Variants in SLC17A8 observed in about 807,000 individuals in gnomAD.
SLC17A8 encodes the protein solute carrier family 17 member 8, also known as vesicular glutamate transporter 3.
A neutral mutation model predicts 58.0 loss-of-function variants in SLC17A8; 31 were observed. The ratio of observed to expected loss-of-function variants is 0.53; its 90% CI spans 0.40 to 0.72. The LOEUF is 0.72. Among genes scored for constraint, SLC17A8 ranks in the 30% least tolerant of loss-of-function variants. The probability of loss-of-function intolerance (pLI) is 0.00; values close to 1 mark genes in which losing one functional copy is unlikely to be tolerated. For synonymous variants in SLC17A8, 228 were observed against 249.0 expected, an observed-to-expected ratio of 0.92 and a Z score of 0.79; for missense variants, 655 against 727.8, an observed-to-expected ratio of 0.90 and a Z score of 1.15.
At chr12:100,379,421 C>G (rs774761105) in intron 1 of SLC17A8, among the ~76,000 whole-genome samples, 1 of 117,380 alleles carries the variant, frequency 8.5e-6, no homozygotes, top group Non-Finnish European at 1.6e-5. Context: ...GGCAACAGAC[C>G]GAGATTCCGT....
Position 100,357,437 on chromosome 12 carries a change from C to T in SLC17A8, c.46C>T (p.Pro16Ser), listed in dbSNP as rs1952454517. Reference sequence around the variant, plus strand: ...TACCTTCAAAGAAAAAATTCTGAAACCTGGGAAGGAAGGAGTGAAGAACGC... The same window carrying T: ...TACCTTCAAAGAAAAAATTCTGAAATCTGGGAAGGAAGGAGTGAAGAACGC... The part of the protein sequence containing the change: ...FDTFKEKILK[P>S]GKEGVKNAVG... Residue 16 changes from proline to serine, a missense_variant, in exon 1 of 12, where the codon CCT becomes TCT. By Grantham distance (74) the Pro-to-Ser change is moderately conservative. Transcript: ENST00000323346. 19 of 1,613,924 alleles carry T rather than the reference C, an allele frequency of 1.2e-5. No homozygotes were observed. Among genetic ancestry groups the T allele is most frequent in the Non-Finnish European group, 1.5e-5 (18 of 1,179,838 alleles).
chr12:100,388,638 T>C (rs114387753), intron 2 of SLC17A8, among the ~76,000 whole-genome samples: 184 of 152,286 alleles, frequency 1.2e-3, no homozygotes, highest in African/African-American at 4.0e-3. Flanking sequence ...GCACCTAACA[T>C]TGCATTCAGG....
chr12:100,365,745 C>G lies in SLC17A8; in HGVS notation c.101+8253C>G, dbSNP rs1952515892. On this transcript the variant is annotated intron_variant, in intron 1 of 11. Coordinates refer to ENST00000323346, the MANE Select transcript of SLC17A8 (RefSeq NM_139319.3). The stretch of plus-strand genomic sequence containing the variant: ...ATCTTTGTAGCAATTATTTCTGGAG[C>G]ACACATGTCTTACTGAGGCATCCAG... Among the ~76,000 whole-genome samples, 4 of 152,176 alleles carry G rather than the reference C, an allele frequency of 2.6e-5. No homozygotes were observed. The South Asian group carries it at 8.3e-4, about 32-fold the overall frequency.
At chr12:100,415,649 C>T (rs1036233365) in intron 10 of SLC17A8, among the ~76,000 whole-genome samples, 5 of 152,120 alleles carry the variant, frequency 3.3e-5, no homozygotes, top group African/African-American at 1.2e-4. Flanking sequence ...AAGCTGGTCT[C>T]GAACTCCTGG....
At chr12:100,399,806 A>G (rs1167362848) in intron 5 of SLC17A8, among the ~76,000 whole-genome samples, 1 of 152,140 alleles carries the variant, frequency 6.6e-6, no homozygotes, top group East Asian at 1.9e-4. Context: ...AAGTTTCCCC[A>G]ATGATAGAAT....
chr12:100,359,150 A>T (rs891930074), intron 1 of SLC17A8, among the ~76,000 whole-genome samples: 8 of 152,178 alleles, frequency 5.3e-5, no homozygotes, highest in African/African-American at 1.4e-4. Context: ...ATAAAAAAAT[A>T]AAATAAATTT....
rs1422342023 is a variant in SLC17A8, at chr12:100,420,710, C to T, written c.*551C>T. The T allele has an allele frequency of 1.2e-5, 2 of 160,566 alleles. No individual in the cohort carries two copies. Among genetic ancestry groups the T allele is most frequent in the African/African-American group, 4.8e-5 (2 of 41,502 alleles). The allele number at this position is 160,566 out of a possible 1,614,324, so 9.9% of individuals were successfully genotyped here. ...AATGAACTTGCCCAAGGTCATCTGC[C>T]AGGGTCAGTGCTGAGACTGTTGAAG... On this transcript the variant is annotated 3_prime_UTR_variant, in exon 12 of 12. Transcript: ENST00000323346.
chr12:100,407,288 G>T (rs1302480231), intron 9 of SLC17A8, among the ~76,000 whole-genome samples: 1 of 152,096 alleles, frequency 6.6e-6, no homozygotes, highest in African/African-American at 2.4e-5. Context: ...AACACTACTT[G>T]CACAACCTCT....
intron 1 of SLC17A8, among the ~76,000 whole-genome samples, chr12:100,372,198 A>G (rs762422704): frequency 4.4e-4 from 67 of 152,164 alleles, no homozygotes; most frequent in Admixed American, 1.2e-3. Flanking sequence ...ATTTTCTCAC[A>G]GTTCTGGAAG....
chr12:100,415,846 T>C (rs1952902799), intron 10 of SLC17A8, among the ~76,000 whole-genome samples: 1 of 152,120 alleles, frequency 6.6e-6, no homozygotes. Context: ...ACTTGCCGAG[T>C]GAAGTGGCTG....
At chr12:100,387,760 T>G (rs1012401587) in intron 2 of SLC17A8, among the ~76,000 whole-genome samples, 1 of 152,230 alleles carries the variant, frequency 6.6e-6, no homozygotes, top group Admixed American at 6.5e-5. Flanking sequence ...TGAGAGGTTT[T>G]GTGTCCCCTT....
Position 100,357,252 on chromosome 12 carries a change from G to C in SLC17A8, c.-140G>C. ...CCGAGCTGGGTTTCATCTCCTTTTTGATTTTGAGTAGTTCCCTCCACGAGA... is the reference window on the plus strand; with the variant it reads ...CCGAGCTGGGTTTCATCTCCTTTTTCATTTTGAGTAGTTCCCTCCACGAGA... On this transcript the variant is annotated 5_prime_UTR_variant, in exon 1 of 12. Coordinates refer to ENST00000323346, the MANE Select transcript of SLC17A8 (RefSeq NM_139319.3). The C allele has an allele frequency of 2.8e-6, 2 of 715,258 alleles. No homozygotes were observed. Among genetic ancestry groups the C allele is most frequent in the Middle Eastern group, 3.3e-4 (1 of 3,036 alleles). The allele number at this position is 715,258 out of a possible 1,614,324, so 44.3% of individuals were successfully genotyped here.
At chr12:100,416,117 T>C (rs901484828) in intron 10 of SLC17A8, among the ~76,000 whole-genome samples, 1 of 152,224 alleles carries the variant, frequency 6.6e-6, no homozygotes, top group African/African-American at 2.4e-5. Flanking sequence ...TCTCAGTTTA[T>C]GTGTAATTTT....
chr12:100,376,244 C>T (rs1188036049), intron 1 of SLC17A8, among the ~76,000 whole-genome samples: 2 of 152,180 alleles, frequency 1.3e-5, no homozygotes, highest in Non-Finnish European at 2.9e-5. Flanking sequence ...TGCTTTGTTA[C>T]AGCATCCCTG....
chr12:100,420,045 C>T lies in SLC17A8; in HGVS notation c.1656C>T (p.Ser552=), dbSNP rs1035456424. 1.4e-5 allele frequency: 23 copies of T among 1,614,026 alleles called. No individual in the cohort carries two copies. Among genetic ancestry groups the T allele is most frequent in the Non-Finnish European group, 1.9e-5 (23 of 1,179,982 alleles). The change falls in exon 12 of 12, where the codon TCC becomes TCT. Residue 552 remains serine (S), a synonymous_variant. Transcript: ENST00000323346. ...PKKKMSYGAT[S]QNCEVQKKEW... Reference sequence around the variant, plus strand: ...AGAAGATGTCTTATGGAGCCACCTCCCAGAATTGTGAAGTCCAGAAGAAGG... The same window carrying T: ...AGAAGATGTCTTATGGAGCCACCTCTCAGAATTGTGAAGTCCAGAAGAAGG...
At chr12:100,376,476 A>G (rs971921000) in intron 1 of SLC17A8, among the ~76,000 whole-genome samples, 3 of 152,206 alleles carry the variant, frequency 2.0e-5, no homozygotes, top group Non-Finnish European at 2.9e-5. Context: ...CACACAGGAA[A>G]GTGGTCCAAG....
At position 100,380,837 on chromosome 12, in the gene SLC17A8, A is replaced by G. The variant is rs1453131483; in HGVS notation, c.238A>G (p.Ile80Val). ...CGLPKRYIIAIMSGLGFCISF... is the reference protein window; with the variant it reads ...CGLPKRYIIAVMSGLGFCISF... Reference sequence around the variant, plus strand: ...CCTCCCCAAGCGTTACATCATTGCTATCATGAGTGGGCTGGGATTCTGCAT... The same window carrying G: ...CCTCCCCAAGCGTTACATCATTGCTGTCATGAGTGGGCTGGGATTCTGCAT... Residue 80 changes from isoleucine (I) to valine (V), a missense_variant, in exon 2 of 12, where the codon ATC (isoleucine) becomes GTC (valine). Transcript: ENST00000323346. 9 of 1,614,026 alleles carry G rather than the reference A, an allele frequency of 5.6e-6. No individual in the cohort carries two copies. Among genetic ancestry groups the G allele is most frequent in the Non-Finnish European group, 6.8e-6 (8 of 1,180,034 alleles).
intron 2 of SLC17A8, among the ~76,000 whole-genome samples, chr12:100,388,803 T>A (rs1419082699): frequency 5.9e-5 from 9 of 152,328 alleles, no homozygotes; most frequent in Middle Eastern, 3.4e-3. Context: ...TCAAAAAGCT[T>A]TACAAAGCCA....
intron 1 of SLC17A8, among the ~76,000 whole-genome samples, chr12:100,375,847 C>T (rs1952591276): frequency 6.6e-6 from 1 of 152,150 alleles, no homozygotes; most frequent in Non-Finnish European, 1.5e-5. Context: ...TACGATTAGC[C>T]CAGTTTAGAG....
Sources: allele counts gnomAD v4.1 joint callset (sites outside exome capture counted in the v4.1 genomes callset), GRCh38; gene constraint gnomAD v4.1.1; transcripts MANE v1.5; gene names NCBI Gene and HGNC (gene_info 2026-07-23, HGNC 2026-07-21).